The following ZFHX3 variants were observed in gnomAD, a reference collection of about 807,000 sequenced individuals.
ZFHX3 encodes the protein zinc finger homeobox protein 3.
A neutral mutation model predicts 279.1 loss-of-function variants in ZFHX3; 42 were observed. The ratio of observed to expected loss-of-function variants is 0.15; its 90% CI spans 0.12 to 0.19. The LOEUF (loss-of-function observed/expected upper bound fraction) is 0.19, where lower values mean the gene tolerates loss of function less well. Among genes scored for constraint, ZFHX3 ranks in the 10% least tolerant of loss-of-function variants. The pLI, the probability that ZFHX3 is intolerant of heterozygous loss-of-function variation, is 1.00. For missense variants in ZFHX3, 4,981 were observed against 4,754.0 expected, an observed-to-expected ratio of 1.05 and a Z score of -1.40; for synonymous variants, 2,293 against 1,957.8, an observed-to-expected ratio of 1.17 and a Z score of -4.52.
intron 1 of ZFHX3, among the ~76,000 whole-genome samples, chr16:73,821,712 T>G (rs904579484): frequency 2.0e-5 from 3 of 152,182 alleles, no homozygotes; most frequent in Non-Finnish European, 4.4e-5. Context: ...AACATTTGCC[T>G]GGAAATTTGC....
intron 3 of ZFHX3, among the ~76,000 whole-genome samples, chr16:73,421,873 G>A (rs536804836): frequency 1.3e-5 from 2 of 152,166 alleles, no homozygotes; most frequent in South Asian, 2.1e-4. Flanking sequence ...CTTATAATGA[G>A]GGAATAAAGC....
chr16:73,331,971 C>A (rs1207711072), intron 3 of ZFHX3, among the ~76,000 whole-genome samples: 2 of 152,206 alleles, frequency 1.3e-5, no homozygotes, highest in African/African-American at 4.8e-5. Context: ...CAAAGAAAAA[C>A]AAGGCAGAAG....
intron 2 of ZFHX3, among the ~76,000 whole-genome samples, chr16:73,476,529 G>A (rs200994204): frequency 6.6e-6 from 1 of 152,022 alleles, no homozygotes; most frequent in African/African-American, 2.4e-5. Flanking sequence ...ATTGTGGCTT[G>A]ATTGCTCTAA....
intron 2 of ZFHX3, among the ~76,000 whole-genome samples, chr16:73,610,969 C>T (rs2052238954): frequency 6.6e-6 from 1 of 152,314 alleles, no homozygotes; most frequent in Admixed American, 6.5e-5. Context: ...TTGCACCTAT[C>T]TGATGGAGGC....
intron 1 of ZFHX3, among the ~76,000 whole-genome samples, chr16:73,740,764 G>A (rs180730247): frequency 6.6e-6 from 1 of 152,208 alleles, no homozygotes; most frequent in African/African-American, 2.4e-5. Flanking sequence ...CCAGATTCTC[G>A]AGTCCATGGT....
intron 5 of ZFHX3, among the ~76,000 whole-genome samples, chr16:73,159,877 C>T (rs1391528345): frequency 2.0e-5 from 3 of 152,152 alleles, no homozygotes; most frequent in South Asian, 2.1e-4. Flanking sequence ...ATTCTCCTGC[C>T]TCAGCCTCCC....
chr16:73,372,095 T>G (rs1025483340), intron 3 of ZFHX3, among the ~76,000 whole-genome samples: 1 of 152,246 alleles, frequency 6.6e-6, no homozygotes, highest in Non-Finnish European at 1.5e-5. Flanking sequence ...CATTTTATAC[T>G]CAGCAGTCTT....
chr16:73,323,049 A>C (rs4011587), intron 3 of ZFHX3, among the ~76,000 whole-genome samples: 46,032 of 152,080 alleles, frequency 0.3, 8,285 homozygotes, highest in Non-Finnish European at 0.42. Context: ...GGCCTGTTTA[A>C]AATATTTACT....
At chr16:73,651,402 A>C (rs910349591) in intron 2 of ZFHX3, among the ~76,000 whole-genome samples, 25 of 152,082 alleles carry the variant, frequency 1.6e-4, no homozygotes, top group Admixed American at 7.9e-4. Flanking sequence ...ACAACTGTCC[A>C]CAGGTTCAGT....
intron 2 of ZFHX3, among the ~76,000 whole-genome samples, chr16:73,628,912 C>A (rs2052442501): frequency 6.6e-6 from 1 of 152,090 alleles, no homozygotes; most frequent in Admixed American, 6.5e-5. Context: ...CCCAGTCCTG[C>A]AGATATATGA....
intron 3 of ZFHX3, among the ~76,000 whole-genome samples, chr16:73,333,639 G>A (rs1288827499): frequency 1.3e-5 from 2 of 151,932 alleles, no homozygotes; most frequent in African/African-American, 4.8e-5. Flanking sequence ...TAGTCAGAAA[G>A]CATTTGGATT....
chr16:72,788,271 C>G lies in ZFHX3; in HGVS notation c.10005G>C (p.Met3335Ile). ...AGGGGAACAGGCCTTCCATGCCATA[C>G]ATAGGCTGCAGGTACCCGCTCTGCA... ...GALQSGYLQP[M>I]YGMEGLFPYS... Residue 3335 changes from methionine (M) to isoleucine (I), a missense_variant, in exon 10 of 10, where the codon ATG becomes ATC. Transcript: ENST00000268489. The G allele has an allele frequency of 6.2e-7, 1 of 1,614,198 alleles. No homozygotes were observed. Among genetic ancestry groups the G allele is most frequent in the Non-Finnish European group, 8.5e-7 (1 of 1,180,040 alleles).
intron 1 of ZFHX3, among the ~76,000 whole-genome samples, chr16:73,781,109 C>G (rs754130400): frequency 2.0e-5 from 3 of 152,160 alleles, no homozygotes; most frequent in Non-Finnish European, 4.4e-5. Flanking sequence ...AATTTGGGAG[C>G]TCTCAAGGAA....
At position 72,912,885 on chromosome 16, in the gene ZFHX3, T is replaced by C. The variant is rs1858802; in HGVS notation, c.3217-22923A>G. ...GACTATAAGCACACACCACCACACC[T>C]GGCTAATTTTTGTATTTTTAGTAGA... On this transcript the variant is annotated intron_variant, in intron 3 of 9. Coordinates refer to ENST00000268489, the MANE Select transcript of ZFHX3 (RefSeq NM_006885.4). 9.4e-3 allele frequency among the ~76,000 whole-genome samples: 1,436 copies of C among 152,108 alleles called. 19 individuals are homozygous for C. Among genetic ancestry groups the C allele is most frequent in the African/African-American group, 0.033 (1,374 of 41,472 alleles).
intron 3 of ZFHX3, among the ~76,000 whole-genome samples, chr16:72,933,789 A>C (rs1338200591): frequency 7.0e-6 from 1 of 141,864 alleles, no homozygotes; most frequent in African/African-American, 2.5e-5. Context: ...TGTTGTTATT[A>C]TGAAATGTTT....
chr16:73,217,788 C>A (rs532754640), intron 5 of ZFHX3, among the ~76,000 whole-genome samples: 2 of 152,014 alleles, frequency 1.3e-5, no homozygotes, highest in South Asian at 4.1e-4. Context: ...CAAAAGAAGC[C>A]TCCCTGTTTA....
intron 1 of ZFHX3, among the ~76,000 whole-genome samples, chr16:73,728,015 G>GCCCCGCC (rs2053534576): frequency 1.3e-5 from 1 of 75,426 alleles, no homozygotes; most frequent in Non-Finnish European, 2.6e-5. Flanking sequence ...GCCGAATTGT[G>GCCCCGCC]CCCCCCCCCC....
Position 72,798,587 on chromosome 16 carries a change from C to CT in ZFHX3, c.4094dup (p.Cys1367ValfsTer16). The stretch of plus-strand genomic sequence containing the variant: ...AAGTTTTGAAAACCTGGTTGCACCC[C>CT]TTCTTCCAGCAGATGAAGCCTGAGT... On this transcript the variant is annotated frameshift_variant, in exon 9 of 10. Transcript: ENST00000268489. LOFTEE classifies it high-confidence loss of function. 6.2e-7 allele frequency: 1 copy of CT among 1,614,206 alleles called. No homozygotes were observed. The highest frequency in any genetic ancestry group is 8.5e-7 in the Non-Finnish European group (1 of 1,180,026).
rs182892495 is a variant in ZFHX3, at chr16:73,214,069, G to A, written c.-1104+42978C>T. Reference sequence around the variant, plus strand: ...TATTTATTTAACATCCAGTAAACACGGAGACCCCTCAGCCTAGATAGGGGG... The same window carrying A: ...TATTTATTTAACATCCAGTAAACACAGAGACCCCTCAGCCTAGATAGGGGG... On this transcript the variant is annotated intron_variant, in intron 5 of 17. Transcript: ENST00000641206. 9.8e-4 allele frequency among the ~76,000 whole-genome samples: 149 copies of A among 152,232 alleles called. 2 individuals are homozygous for A. Among genetic ancestry groups the A allele is most frequent in the African/African-American group, 3.3e-3 (139 of 41,536 alleles).
Sources: gnomAD v4.1 joint callset for allele counts (sites outside exome capture counted in the v4.1 genomes callset) on GRCh38, gnomAD v4.1.1 for gene constraint, MANE v1.5 for transcripts, NCBI Gene and HGNC (gene_info 2026-07-23, HGNC 2026-07-21) for gene names.